SGCG: variants seen among roughly 807,000 people sequenced by gnomAD.
SGCG encodes sarcoglycan gamma.
Under a neutral mutation model 29.3 loss-of-function variants are expected in SGCG, and 26 were observed. That is an observed-to-expected ratio of 0.89 (90% confidence interval 0.65 to 1.23). The LOEUF (loss-of-function observed/expected upper bound fraction) is 1.23, where lower values mean the gene tolerates loss of function less well. Ranked by LOEUF, SGCG falls within the 50% of genes most tolerant of loss-of-function variation. SGCG has a pLI of 0.00. For missense variants in SGCG, 353 were observed against 356.0 expected (o/e 0.99, Z 0.07); for synonymous variants, 145 against 129.7 (o/e 1.12, Z -0.80).
chr13:23,197,557 G>A (rs1536730), intron 1 of SGCG, among the ~76,000 whole-genome samples: 16,398 of 152,164 alleles, frequency 0.11, 930 homozygotes, highest in South Asian at 0.15. Context: ...ACACTCAGGT[G>A]AATCTCCCAT....
intron 4 of SGCG, among the ~76,000 whole-genome samples, chr13:23,256,788 T>C (rs998209409): frequency 2.0e-5 from 3 of 152,204 alleles, no homozygotes; most frequent in African/African-American, 7.2e-5. Flanking sequence ...TTGATGGACA[T>C]TTGGGTTAGT....
intron 2 of SGCG, among the ~76,000 whole-genome samples, chr13:23,230,917 C>T (rs10047694): frequency 0.25 from 37,708 of 152,102 alleles, 4,880 homozygotes; most frequent in South Asian, 0.39. Context: ...ATGATATTGG[C>T]TGTGGGTTTG....
At chr13:23,180,223 G>T (rs1876683771), upstream of SGCG, among the ~76,000 whole-genome samples, 1 of 152,120 alleles carries the variant, frequency 6.6e-6, no homozygotes, top group South Asian at 2.1e-4. Context: ...AAATTATTCA[G>T]AAGTTCGATA....
intron 7 of SGCG, among the ~76,000 whole-genome samples, chr13:23,321,186 T>A (rs1352999071): frequency 6.6e-6 from 1 of 152,110 alleles, no homozygotes; most frequent in Admixed American, 6.5e-5. Context: ...CCAGTTTAAA[T>A]GAAAATGAAA....
Position 23,196,569 on chromosome 13 carries a change from G to C in SGCG, c.1-7126G>C, listed in dbSNP as rs145646635. ...CATTTTTGGTATGTTTATTCGTCAC[G>C]TGTATTTCTTTGATGTATACGTGTA... On this transcript the variant is annotated intron_variant, in intron 1 of 7. Transcript: ENST00000218867. Among the ~76,000 whole-genome samples, 284 of 152,180 alleles carry C rather than the reference G, an allele frequency of 1.9e-3. 2 individuals carry two copies. The highest frequency in any genetic ancestry group is 6.3e-3 in the African/African-American group (260 of 41,524).
intron 4 of SGCG, among the ~76,000 whole-genome samples, chr13:23,255,571 C>T (rs936959606): frequency 2.6e-5 from 4 of 152,108 alleles, no homozygotes; most frequent in African/African-American, 4.8e-5. Flanking sequence ...CATGTTGAAA[C>T]GTAACCTCCA....
chr13:23,227,291 T>G (rs761007928), intron 2 of SGCG, among the ~76,000 whole-genome samples: 31 of 145,186 alleles, frequency 2.1e-4, no homozygotes, highest in Non-Finnish European at 3.9e-4. Context: ...AGAAAAAAAT[T>G]CATTATACAC....
chr13:23,291,940 C>T (rs9552912), intron 5 of SGCG, among the ~76,000 whole-genome samples: 17,446 of 152,090 alleles, frequency 0.11, 1,270 homozygotes, highest in East Asian at 0.33. Context: ...TCAAGCCTAG[C>T]TGCTGAAATG....
chr13:23,273,703 T>A (rs1880953974), intron 4 of SGCG, among the ~76,000 whole-genome samples: 1 of 152,232 alleles, frequency 6.6e-6, no homozygotes, highest in Non-Finnish European at 1.5e-5. Flanking sequence ...GTCAGCAAAT[T>A]CTAGATTTAT....
intron 3 of SGCG, chr13:23,245,599 C>T (rs1213879287): frequency 6.6e-6 from 1 of 152,082 alleles, no homozygotes; most frequent in Non-Finnish European, 1.5e-5. Flanking sequence ...ATTGTTAATC[C>T]TCCTAAGAAA....
At chr13:23,254,517 A>T (rs1228405237) in intron 4 of SGCG, among the ~76,000 whole-genome samples, 1 of 152,190 alleles carries the variant, frequency 6.6e-6, no homozygotes, top group African/African-American at 2.4e-5. Context: ...AAAAAACTTT[A>T]AAATTTGAAT....
chr13:23,275,551 G>A (rs1881041034), intron 4 of SGCG, among the ~76,000 whole-genome samples: 1 of 151,874 alleles, frequency 6.6e-6, no homozygotes, highest in African/African-American at 2.4e-5. Context: ...GGAAGGCTGT[G>A]TAAGTTTTGC....
At chr13:23,172,240 T>G in the SGCG span, among the ~76,000 whole-genome samples, 2 of 152,214 alleles carry the variant, frequency 1.3e-5, no homozygotes, top group African/African-American at 2.4e-5. Context: ...TCTCTTTTTC[T>G]TCTTTTCAAA....
chr13:23,211,876 T>C (rs1878228792), intron 2 of SGCG, among the ~76,000 whole-genome samples: 1 of 152,126 alleles, frequency 6.6e-6, no homozygotes, highest in African/African-American at 2.4e-5. Context: ...TGGATCTGTG[T>C]CCCCACCCAA....
At chr13:23,266,144 C>T (rs952143955) in intron 4 of SGCG, among the ~76,000 whole-genome samples, 6 of 151,890 alleles carry the variant, frequency 4.0e-5, no homozygotes, top group South Asian at 2.1e-4. Flanking sequence ...TGGTGGCAGG[C>T]GCCTGTAATC....
the SGCG span, among the ~76,000 whole-genome samples, chr13:23,175,732 T>C: frequency 6.6e-6 from 1 of 152,164 alleles, no homozygotes; most frequent in Non-Finnish European, 1.5e-5. Context: ...TTTATAAATA[T>C]TGACTTCCAA....
At chr13:23,250,030 A>G (rs1879900684) in intron 3 of SGCG, among the ~76,000 whole-genome samples, 1 of 151,994 alleles carries the variant, frequency 6.6e-6, no homozygotes, top group Non-Finnish European at 1.5e-5. Context: ...TTTGAAATTT[A>G]TTTTTCTTTC....
chr13:23,322,771 T>C (rs944544934), intron 7 of SGCG, among the ~76,000 whole-genome samples: 37,402 of 59,284 alleles, frequency 0.63, 11,814 homozygotes, highest in East Asian at 0.81. Context: ...CCCATCCACC[T>C]CCCCCCCCCC....
At chr13:23,211,082 G>C (rs553144301) in intron 2 of SGCG, among the ~76,000 whole-genome samples, 1 of 152,308 alleles carries the variant, frequency 6.6e-6, no homozygotes, top group Non-Finnish European at 1.5e-5. Flanking sequence ...GAGGGTACTG[G>C]CTTGGATTTG....
Sources: gnomAD v4.1 joint callset for allele counts (sites outside exome capture counted in the v4.1 genomes callset) on GRCh38, gnomAD v4.1.1 for gene constraint, MANE v1.5 for transcripts, NCBI Gene and HGNC (gene_info 2026-07-23, HGNC 2026-07-21) for gene names.